Variants in TEK observed in about 807,000 individuals in gnomAD.
TEK encodes TEK receptor tyrosine kinase, also known as angiopoietin-1 receptor.
A neutral mutation model predicts 131.8 loss-of-function variants in TEK; 43 were observed. The ratio of observed to expected loss-of-function variants is 0.33; its 90% confidence interval spans 0.26 to 0.42. The LOEUF (loss-of-function observed/expected upper bound fraction) is 0.42, where lower values mean the gene tolerates loss of function less well. TEK is among the 10% of genes least tolerant of loss of function. TEK has a pLI of 1.00. For missense variants in TEK, 1,162 were observed against 1,384.4 expected (o/e 0.84, Z 2.55); for synonymous variants, 580 against 491.6 (o/e 1.18, Z -2.38).
chr9:27,145,999 A>G (rs532117664), intron 1 of TEK, among the ~76,000 whole-genome samples: 18 of 152,338 alleles, frequency 1.2e-4, no homozygotes, highest in Non-Finnish European at 2.2e-4. Flanking sequence ...TGCCAGTTTT[A>G]TCAGCAACAG....
At chr9:27,186,574 G>A (rs1477931105) in intron 9 of TEK, among the ~76,000 whole-genome samples, 1 of 152,134 alleles carries the variant, frequency 6.6e-6, no homozygotes, top group Admixed American at 6.6e-5. Flanking sequence ...CAGATACAAA[G>A]GGTCAACTTT....
intron 9 of TEK, among the ~76,000 whole-genome samples, chr9:27,185,972 T>G (rs1422511910): frequency 6.6e-6 from 1 of 152,190 alleles, no homozygotes; most frequent in African/African-American, 2.4e-5. Context: ...ACACATACAA[T>G]ACTTGGAGTT....
rs1406698809 is a variant in TEK at position 27,229,914 on chromosome 9, T to C, written c.*682T>C. ...AAGCCTAAGAATCTTTAGAGAAGTA[T>C]ACATAAGTTTAGGATAAAATAATGG... On this transcript the variant is annotated 3_prime_UTR_variant, in exon 23 of 23. Transcript: ENST00000380036. The C allele has an allele frequency of 6.6e-6, 1 of 152,418 alleles. No individual in the cohort carries two copies. The highest frequency in any genetic ancestry group is 1.5e-5 in the Non-Finnish European group (1 of 68,192). The allele number at this position is 152,418 out of a possible 1,614,324, so 9.4% of individuals were successfully genotyped here. A position where few individuals can be genotyped will look rare whatever the true frequency, so the allele number is the denominator to read the frequency against.
intron 1 of TEK, among the ~76,000 whole-genome samples, chr9:27,135,453 A>C (rs1822388410): frequency 6.6e-6 from 1 of 152,074 alleles, no homozygotes; most frequent in Non-Finnish European, 1.5e-5. Context: ...TTAGTCTCAA[A>C]ATTTTAGGGA....
chr9:27,129,251 T>C (rs1229489437), intron 1 of TEK, among the ~76,000 whole-genome samples: 1 of 152,208 alleles, frequency 6.6e-6, no homozygotes, highest in Non-Finnish European at 1.5e-5. Context: ...TTTGTCATTC[T>C]GTTTATGTGA....
intron 8 of TEK, 41 bp downstream of exon 8, chr9:27,183,651 T>G: frequency 6.2e-7 from 1 of 1,611,270 alleles, no homozygotes; most frequent in Non-Finnish European, 8.5e-7. Flanking sequence ...AAGCATGAGA[T>G]GCTTCAGTGT....
Position 27,190,525 on chromosome 9 carries a change from T to A in TEK, c.1328-4T>A. On this transcript the variant is annotated splice_polypyrimidine_tract_variant and splice_region_variant and intron_variant, in intron 9 of 22. Transcript: ENST00000380036. ...ACTAATCTGCCTTCTGAAATTGTAT[T>A]TAGTTCTTCCAAAGCCCCTGAATGC... The A allele has an allele frequency of 6.2e-7, 1 of 1,613,926 alleles. No individual in the cohort carries two copies. Among genetic ancestry groups the A allele is most frequent in the Non-Finnish European group, 8.5e-7 (1 of 1,179,852 alleles).
chr9:27,226,070 G>C (rs10967786), intron 21 of TEK, among the ~76,000 whole-genome samples: 31,505 of 152,134 alleles, frequency 0.21, 3,848 homozygotes, highest in African/African-American at 0.34. Context: ...TCATTAAAAA[G>C]TCAGGAAATG....
At chr9:27,191,980 G>A (rs1824839839) in intron 10 of TEK, 1 of 455,480 alleles carries the variant, frequency 2.2e-6, no homozygotes, top group Admixed American at 2.4e-5. Flanking sequence ...GGAGAAAAGA[G>A]ACAGATACCA....
intron 18 of TEK, among the ~76,000 whole-genome samples, chr9:27,215,950 A>T (rs1825808153): frequency 6.6e-6 from 1 of 152,164 alleles, no homozygotes; most frequent in African/African-American, 2.4e-5. Flanking sequence ...ATGTGAGAAT[A>T]AGTTGGATGA....
rs1245957203 is a variant in TEK at position 27,228,192 on chromosome 9, C to A, written c.3201-14C>A. ...CAGTTATAGAATTAACCCTTTAATTCTTTGCTTTCGAAGGTATGATCTAAT... is the reference window on the plus strand; with the variant it reads ...CAGTTATAGAATTAACCCTTTAATTATTTGCTTTCGAAGGTATGATCTAAT... On this transcript the variant is annotated splice_polypyrimidine_tract_variant and intron_variant, in intron 21 of 22. Coordinates refer to ENST00000380036, the MANE Select transcript of TEK (RefSeq NM_000459.5). The A allele has an allele frequency of 4.4e-6, 7 of 1,605,966 alleles. No individual in the cohort carries two copies. The highest frequency in any genetic ancestry group is 5.1e-6 in the Non-Finnish European group (6 of 1,173,174).
intron 1 of TEK, among the ~76,000 whole-genome samples, chr9:27,127,133 C>T (rs1214020999): frequency 6.6e-6 from 1 of 152,146 alleles, no homozygotes; most frequent in Non-Finnish European, 1.5e-5. Context: ...CCTCAACCCC[C>T]AATCCCCTGA....
chr9:27,130,903 T>A (rs980281778), intron 1 of TEK, among the ~76,000 whole-genome samples: 1 of 151,090 alleles, frequency 6.6e-6, no homozygotes, highest in Non-Finnish European at 1.5e-5. Context: ...AAAACCTCAT[T>A]GAAAGTGATA....
intron 6 of TEK, among the ~76,000 whole-genome samples, chr9:27,175,825 T>G (rs573507211): frequency 3.3e-5 from 5 of 152,346 alleles, no homozygotes; most frequent in Admixed American, 6.5e-5. Context: ...GCCCACTTTT[T>G]GATGGGGTTG....
In TEK at chr9:27,228,246, G is replaced by A. The variant is rs1443880196; in HGVS notation, c.3241G>A (p.Glu1081Lys). 1.9e-6 allele frequency: 3 copies of A among 1,613,034 alleles called. No individual in the cohort carries two copies. Among genetic ancestry groups the A allele is most frequent in the Admixed American group, 3.3e-5 (2 of 59,962 alleles). Residue 1081 changes from glutamate (E) to lysine (K), a missense_variant, in exon 22 of 23, where the codon GAG (glutamate) becomes AAG (lysine). This residue lies in a region of TEK where 84 missense variants were observed against 80.3 expected (regional missense o/e 1.05). Transcript: ENST00000380036. ...MRQCWREKPY[E>K]RPSFAQILVS... is the part of the protein sequence containing the mutation. The stretch of plus-strand genomic sequence containing the variant: ...ACAATGCTGGCGGGAGAAGCCTTAT[G>A]AGAGGCCATCATTTGCCCAGATATT...
At chr9:27,162,309 T>C (rs919597412) in intron 2 of TEK, among the ~76,000 whole-genome samples, 6 of 152,184 alleles carry the variant, frequency 3.9e-5, no homozygotes, top group Admixed American at 2.0e-4. Flanking sequence ...AAGTGGAAAA[T>C]CCATTTGAGA....
chr9:27,228,149 G>C (rs542560078), intron 21 of TEK, 57 bp from the exon 22 acceptor site: 2 of 1,425,656 alleles, frequency 1.4e-6, no homozygotes, highest in South Asian at 2.3e-5. Context: ...TTTTCCTGCC[G>C]TGCCTAGGAC....
At position 27,229,315 on chromosome 9, in the gene TEK, A is replaced by T; in HGVS notation, c.*83A>T. The T allele has an allele frequency of 1.5e-6, 2 of 1,318,112 alleles. No homozygotes were observed. Among genetic ancestry groups the T allele is most frequent in the Admixed American group, 3.4e-5 (2 of 59,508 alleles). The allele number at this position is 1,318,112 out of a possible 1,614,324, so 81.7% of individuals were successfully genotyped here. ...CCTGCTGAGAAAACATGCCTCTGCC[A>T]AAGGATGTGATATATAAGTGTACAT... On this transcript the variant is annotated 3_prime_UTR_variant, in exon 23 of 23. Coordinates refer to ENST00000380036, the MANE Select transcript of TEK (RefSeq NM_000459.5).
chr9:27,198,652 G>A (rs1388148731), intron 12 of TEK, among the ~76,000 whole-genome samples: 4 of 152,156 alleles, frequency 2.6e-5, no homozygotes, highest in Non-Finnish European at 5.9e-5. Flanking sequence ...TGTCATATTT[G>A]CTTTCAGCAT....
Sources: allele counts gnomAD v4.1 joint callset (sites outside exome capture counted in the v4.1 genomes callset), GRCh38; gene constraint gnomAD v4.1.1; regional missense constraint gnomAD v4.1.1; transcripts MANE v1.5; gene names NCBI Gene and HGNC (gene_info 2026-07-23, HGNC 2026-07-21).